The following GPM6B variants were observed in gnomAD, a reference collection of about 807,000 sequenced individuals.
GPM6B encodes the protein neuronal membrane glycoprotein M6-b.
In GPM6B, 4 loss-of-function variants were observed where a neutral mutation model predicts 27.2. The observed-to-expected ratio is 0.15, with a 90% CI of 0.07 to 0.34. The LOEUF is 0.34. Ranked by LOEUF, GPM6B falls within the 10% of genes least tolerant of loss-of-function variation. The pLI, the probability that GPM6B is intolerant of heterozygous loss-of-function variation, is 1.00. For synonymous variants in GPM6B, 124 were observed against 103.1 expected (o/e 1.20, Z -1.23); for missense variants, 183 against 261.9 (o/e 0.70, Z 2.08).
chrX:13,783,049 G>C (rs781051821), intron 4 of GPM6B, among the ~76,000 whole-genome samples: 1 of 112,251 alleles, frequency 8.9e-6, no homozygotes, highest in Non-Finnish European at 1.9e-5. Flanking sequence ...ACAACCAAAG[G>C]GGAGCACTGA....
intron 1 of GPM6B, among the ~76,000 whole-genome samples, chrX:13,883,866 AT>A (rs755664438): frequency 3.5e-4 from 33 of 94,642 alleles, no homozygotes; most frequent in African/African-American, 4.6e-4. Context: ...AAAAAAAAAA[AT>A]TTTAAACATA....
intron 1 of GPM6B, among the ~76,000 whole-genome samples, chrX:13,848,786 C>T (rs1208954045): frequency 4.4e-5 from 5 of 112,390 alleles, no homozygotes; most frequent in East Asian, 2.8e-4. Flanking sequence ...AAAACTTGTA[C>T]ATGAATGTTC....
At chrX:13,787,149 A>G (rs1480373692) in intron 2 of GPM6B, among the ~76,000 whole-genome samples, 1 of 108,441 alleles carries the variant, frequency 9.2e-6, no homozygotes, top group Non-Finnish European at 1.9e-5. Context: ...CATTTTAGTG[A>G]GCATTCCTTT....
intron 1 of GPM6B, among the ~76,000 whole-genome samples, chrX:13,853,514 G>T (rs2049743744): frequency 2.2e-5 from 2 of 90,876 alleles, no homozygotes; most frequent in South Asian, 6.1e-4. Flanking sequence ...TGAGGCATAA[G>T]AATCACTTGA....
chrX:13,862,862 AT>A (rs112287002), intron 1 of GPM6B, among the ~76,000 whole-genome samples: 1,309 of 96,811 alleles, frequency 0.014, 34 homozygotes, highest in African/African-American at 0.044. Flanking sequence ...AACTTTTGTG[AT>A]TTTTTTTTTT....
At chrX:13,847,201 C>T (rs2049660335) in intron 1 of GPM6B, among the ~76,000 whole-genome samples, 1 of 111,805 alleles carries the variant, frequency 8.9e-6, no homozygotes, top group African/African-American at 3.2e-5. Flanking sequence ...ACACCAACTG[C>T]TGCCCAAGTT....
intron 1 of GPM6B, among the ~76,000 whole-genome samples, chrX:13,918,830 T>C (rs947530886): frequency 2.7e-5 from 3 of 111,383 alleles, no homozygotes; most frequent in African/African-American, 6.5e-5. Flanking sequence ...ATGAGAACTA[T>C]CAGGAGGACA....
At chrX:13,815,316 C>G (rs759668650) in intron 1 of GPM6B, among the ~76,000 whole-genome samples, 1 of 111,976 alleles carries the variant, frequency 8.9e-6, no homozygotes, top group Admixed American at 9.4e-5. Context: ...TTCCTTGGGA[C>G]AATGCTATTA....
chrX:13,803,761 A>G (rs1307681521), intron 2 of GPM6B, among the ~76,000 whole-genome samples: 1 of 111,636 alleles, frequency 9.0e-6, no homozygotes, highest in Non-Finnish European at 1.9e-5. Flanking sequence ...TCACTTTGCC[A>G]CAAAGAAACA....
intron 1 of GPM6B, among the ~76,000 whole-genome samples, chrX:13,846,810 T>A (rs1395065693): frequency 1.0e-4 from 11 of 105,453 alleles, no homozygotes; most frequent in Admixed American, 4.2e-4. Context: ...TTTTTTTTTT[T>A]AAACTTTTTC....
intron 7 of GPM6B, chrX:13,773,906 CA>C (rs1190484222): frequency 7.6e-6 from 5 of 657,791 alleles, no homozygotes; most frequent in Non-Finnish European, 8.9e-6. Flanking sequence ...TGGGCTCTAA[CA>C]GAATGATTGT....
intron 1 of GPM6B, among the ~76,000 whole-genome samples, chrX:13,894,261 C>G (rs372988447): frequency 8.9e-6 from 1 of 111,884 alleles, no homozygotes; most frequent in Non-Finnish European, 1.9e-5. Context: ...ACAGATCAAA[C>G]GGATGTGCAT....
Position 13,872,574 on chromosome X carries a change from G to A in GPM6B, c.-198+65753C>T, listed in dbSNP as rs141193731. On this transcript the variant is annotated intron_variant, in intron 1 of 6. Transcript: ENST00000398361. Reference sequence around the variant, plus strand: ...GCCAACCAGGACATATGGTCACCTAGGCTGAGGGTGAAAGAGAACTGCAGG... The same window carrying A: ...GCCAACCAGGACATATGGTCACCTAAGCTGAGGGTGAAAGAGAACTGCAGG... Among the ~76,000 whole-genome samples the A allele has an allele frequency of 9.7e-3, 1,074 of 110,585 alleles. 16 individuals are homozygous for A. The highest frequency in any genetic ancestry group is 0.033 in the African/African-American group (1,009 of 30,321).
intron 2 of GPM6B, among the ~76,000 whole-genome samples, chrX:13,804,794 A>C (rs1209902327): frequency 4.3e-5 from 3 of 69,561 alleles, no homozygotes; most frequent in South Asian, 1.9e-3. Flanking sequence ...CTCTGCAAAA[A>C]AATTAATAAA....
chrX:13,853,904 A>C (rs1340413874), intron 1 of GPM6B, among the ~76,000 whole-genome samples: 1 of 112,153 alleles, frequency 8.9e-6, no homozygotes, highest in Non-Finnish European at 1.9e-5. Context: ...ACTTAGGGAA[A>C]GTTCTTATCA....
intron 1 of GPM6B, among the ~76,000 whole-genome samples, chrX:13,869,362 T>G (rs1198409817): frequency 1.8e-4 from 13 of 74,092 alleles, no homozygotes. Flanking sequence ...ATAGGTTGTT[T>G]TTTTTTTTTT....
intron 1 of GPM6B, among the ~76,000 whole-genome samples, chrX:13,830,679 T>G (rs192948115): frequency 2.0e-4 from 23 of 112,597 alleles, no homozygotes; most frequent in Admixed American, 5.6e-4. Context: ...CATCTAAAAT[T>G]TGCACTGTAC....
At chrX:13,813,258 T>A (rs181847434) in intron 1 of GPM6B, among the ~76,000 whole-genome samples, 1 of 110,011 alleles carries the variant, frequency 9.1e-6, no homozygotes, top group Non-Finnish European at 1.9e-5. Flanking sequence ...CAAAAGTGCA[T>A]ACATTTTGCT....
At chrX:13,837,328 A>G (rs1292473845) in intron 1 of GPM6B, among the ~76,000 whole-genome samples, 1 of 111,587 alleles carries the variant, frequency 9.0e-6, no homozygotes, top group East Asian at 2.8e-4. Flanking sequence ...TCCCCTGTAG[A>G]AGTTCCCCAC....
Sources: allele counts gnomAD v4.1 joint callset (sites outside exome capture counted in the v4.1 genomes callset), GRCh38; gene constraint gnomAD v4.1.1; transcripts MANE v1.5; gene names NCBI Gene and HGNC (gene_info 2026-07-23, HGNC 2026-07-21).